Variants in WWP1 observed in about 807,000 individuals in gnomAD.
WWP1 encodes the protein WW domain containing E3 ubiquitin protein ligase 1.
Under a neutral mutation model 130.6 loss-of-function variants are expected in WWP1, and 49 were observed. The observed-to-expected ratio is 0.38, with a 90% CI of 0.30 to 0.48. WWP1 has a LOEUF of 0.48. Ranked by LOEUF, WWP1 falls within the 20% of genes least tolerant of loss-of-function variation. The pLI, the probability that WWP1 is intolerant of heterozygous loss-of-function variation, is 0.99. For missense variants in WWP1, 809 were observed against 1,100.6 expected (o/e 0.74, Z 3.75); for synonymous variants, 332 against 367.8 (o/e 0.90, Z 1.11).
intron 18 of WWP1, among the ~76,000 whole-genome samples, chr8:86,447,429 G>C (rs1810944619): frequency 6.6e-6 from 1 of 152,116 alleles, no homozygotes; most frequent in Non-Finnish European, 1.5e-5. Context: ...ACCATGCCCA[G>C]CTAATTTTTT....
intron 8 of WWP1, among the ~76,000 whole-genome samples, chr8:86,402,434 C>T (rs1345536535): frequency 2.6e-5 from 4 of 152,084 alleles, no homozygotes; most frequent in Admixed American, 6.5e-5. Flanking sequence ...TACAGGCACC[C>T]ACCACCACAA....
chr8:86,369,116 A>C (rs1408127166), intron 2 of WWP1, 85 bp downstream of exon 2: 1 of 152,164 alleles, frequency 6.6e-6, no homozygotes, highest in East Asian at 1.9e-4. Flanking sequence ...ATGTAGACCT[A>C]GTAATACGTT....
chr8:86,456,147 AAT>A (rs1811431982), intron 21 of WWP1, among the ~76,000 whole-genome samples: 1 of 151,970 alleles, frequency 6.6e-6, no homozygotes, highest in Non-Finnish European at 1.5e-5. Flanking sequence ...TCATGCTTAC[AAT>A]TAAAAAGAAT....
At position 86,398,593 on chromosome 8, in the gene WWP1, A is replaced by T; in HGVS notation, c.494A>T (p.Asp165Val). ...SPTIEIQENG[D>V]ALHENGEPSA... ...TCAGTAGAAATACAGGAAAATGGTG[A>T]TGCCTTACATGAAAATGGAGAGCCT... Residue 165 changes from aspartate to valine, a missense_variant, in exon 7 of 25, where the codon GAT becomes GTT. By Grantham distance (152) the Asp-to-Val change is radical (BLOSUM62 -3). This residue lies in a region of WWP1 where 262 missense variants were observed against 346.0 expected (regional missense o/e 0.76). Transcript: ENST00000517970. 6.2e-7 allele frequency: 1 copy of T among 1,612,982 alleles called. No individual in the cohort carries two copies. Among genetic ancestry groups the T allele is most frequent in the Non-Finnish European group, 8.5e-7 (1 of 1,179,780 alleles).
chr8:86,415,971 A>G (rs1442452889), intron 9 of WWP1, among the ~76,000 whole-genome samples: 2 of 152,202 alleles, frequency 1.3e-5, no homozygotes, highest in Non-Finnish European at 2.9e-5. Context: ...TGCTACATTA[A>G]ATGATTTAGA....
At chr8:86,343,259 C>T (rs1822335721) in intron 1 of WWP1, 1 of 156,992 alleles carries the variant, frequency 6.4e-6, no homozygotes, top group Admixed American at 6.5e-5. Context: ...CCTTCCTCCA[C>T]CTTTCCCTAA....
intron 17 of WWP1, among the ~76,000 whole-genome samples, chr8:86,441,742 C>T (rs1251470978): frequency 6.6e-6 from 1 of 152,174 alleles, no homozygotes; most frequent in African/African-American, 2.4e-5. Flanking sequence ...ACCAATAATT[C>T]AGCAGGTATA....
At chr8:86,439,853 A>G (rs1245291538) in intron 17 of WWP1, among the ~76,000 whole-genome samples, 1 of 152,094 alleles carries the variant, frequency 6.6e-6, no homozygotes, top group African/African-American at 2.4e-5. Context: ...CATAGAAACA[A>G]CTCCTTTTTT....
At chr8:86,457,119 T>C (rs1260077803) in intron 21 of WWP1, among the ~76,000 whole-genome samples, 1 of 151,922 alleles carries the variant, frequency 6.6e-6, no homozygotes, top group Non-Finnish European at 1.5e-5. Flanking sequence ...TTGTGCATTT[T>C]ATTGTATGTA....
Position 86,361,044 on chromosome 8 carries a change from A to G in WWP1, c.-114-7895A>G, listed in dbSNP as rs561301590. Among the ~76,000 whole-genome samples, 16 of 152,308 alleles carry G rather than the reference A, an allele frequency of 1.1e-4. No individual in the cohort carries two copies. In the South Asian group the frequency reaches 2.9e-3, roughly 28 times the overall value. ...GGGGCAACAGATCACATAGGCATTTATGAGTTTGGATTTATTGTAGTTAAA... is the reference window on the plus strand; with the variant it reads ...GGGGCAACAGATCACATAGGCATTTGTGAGTTTGGATTTATTGTAGTTAAA... On this transcript the variant is annotated intron_variant, in intron 1 of 24. Coordinates refer to ENST00000517970, the MANE Select transcript of WWP1 (RefSeq NM_007013.4).
intron 24 of WWP1, among the ~76,000 whole-genome samples, chr8:86,463,432 G>C (rs553172681): frequency 2.0e-5 from 3 of 151,804 alleles, no homozygotes; most frequent in African/African-American, 7.3e-5. Context: ...TCAGCCTCTC[G>C]GGTAGCTGGG....
chr8:86,374,562 A>G (rs979274069), intron 3 of WWP1, among the ~76,000 whole-genome samples: 4 of 152,216 alleles, frequency 2.6e-5, no homozygotes, highest in Admixed American at 1.3e-4. Context: ...GAGCTAGGAA[A>G]TGTTTCTTGT....
In WWP1 at chr8:86,430,648, A is replaced by G. The variant is rs199667539; in HGVS notation, c.1333-49A>G. On this transcript the variant is annotated intron_variant, in intron 11 of 24. Coordinates refer to ENST00000517970, the MANE Select transcript of WWP1 (RefSeq NM_007013.4). ...ATGCTTGGCTTATTTCTACTTTCAT[A>G]TTAAAACACTGTTATTTTATTTCTC... The G allele has an allele frequency of 8.0e-5, 117 of 1,467,614 alleles. No homozygotes were observed. The East Asian group carries it at 1.8e-3, about 22-fold the overall frequency. The allele number at this position is 1,467,614 out of a possible 1,614,324, so 90.9% of individuals were successfully genotyped here.
chr8:86,373,596 ATT>A (rs1824456509), intron 2 of WWP1, among the ~76,000 whole-genome samples: 1 of 152,082 alleles, frequency 6.6e-6, no homozygotes, highest in African/African-American at 2.4e-5. Context: ...TATAAATTTG[ATT>A]TTTAAGATTA....
intron 1 of WWP1, among the ~76,000 whole-genome samples, chr8:86,353,646 C>T (rs1823080384): frequency 1.3e-5 from 2 of 152,118 alleles, no homozygotes; most frequent in Admixed American, 1.3e-4. Flanking sequence ...GTACGTGACA[C>T]CTGCTGGCTA....
intron 4 of WWP1, 104 bp from the exon 5 acceptor site, chr8:86,381,401 T>G (rs1383589179): frequency 1.5e-6 from 2 of 1,369,036 alleles, no homozygotes; most frequent in East Asian, 5.2e-5. Flanking sequence ...AAATTCACGG[T>G]TTTTAAAACA....
At chr8:86,390,508 C>T (rs1310515311) in intron 5 of WWP1, among the ~76,000 whole-genome samples, 1 of 152,180 alleles carries the variant, frequency 6.6e-6, no homozygotes, top group Non-Finnish European at 1.5e-5. Context: ...GCCCGTCCAA[C>T]ACGGCGAAAC....
Position 86,411,836 on chromosome 8 carries a change from G to A in WWP1, c.1023G>A (p.Gln341=). ...ATGGGTGTATGGATCCTGTACGGCAGCAGTCTGGGAATGCCAACACAGAAA... is the reference window on the plus strand; with the variant it reads ...ATGGGTGTATGGATCCTGTACGGCAACAGTCTGGGAATGCCAACACAGAAA... ...QPDGCMDPVR[Q]QSGNANTETL... is the part of the protein sequence containing the mutation. The change falls in exon 9 of 25, where the codon CAG becomes CAA. Residue 341 remains glutamine, a synonymous_variant. Transcript: ENST00000517970. 1.9e-6 allele frequency: 3 copies of A among 1,612,840 alleles called. No individual in the cohort carries two copies. The highest frequency in any genetic ancestry group is 2.5e-6 in the Non-Finnish European group (3 of 1,179,164).
intron 1 of WWP1, among the ~76,000 whole-genome samples, chr8:86,347,766 G>T (rs1822671018): frequency 6.6e-6 from 1 of 152,124 alleles, no homozygotes; most frequent in Non-Finnish European, 1.5e-5. Flanking sequence ...GATGAAGTTT[G>T]TGTTTCCCTT....
Sources: gnomAD v4.1 joint callset for allele counts (sites outside exome capture counted in the v4.1 genomes callset) on GRCh38, gnomAD v4.1.1 for gene constraint, gnomAD v4.1.1 regional missense constraint, MANE v1.5 for transcripts, NCBI Gene and HGNC (gene_info 2026-07-23, HGNC 2026-07-21) for gene names.